The following ARHGAP42 variants were observed in gnomAD, a reference collection of about 807,000 sequenced individuals.
ARHGAP42 encodes rho GTPase-activating protein 42.
ARHGAP42 carries 63 observed loss-of-function variants against 125.0 expected under a neutral mutation model. The ratio of observed to expected loss-of-function variants is 0.50; its 90% CI spans 0.41 to 0.62. The LOEUF is 0.62. ARHGAP42 is among the 20% of genes least tolerant of loss of function. The pLI is 0.00. For synonymous variants in ARHGAP42, 339 were observed against 351.0 expected, an observed-to-expected ratio of 0.97 and a Z score of 0.38; for missense variants, 766 against 1,024.2, an observed-to-expected ratio of 0.75 and a Z score of 3.44.
intron 1 of ARHGAP42, among the ~76,000 whole-genome samples, chr11:100,699,502 ATATATTTTTTTTTTTTTTTTTTT>A (rs1452223634): frequency 7.3e-5 from 3 of 40,926 alleles, no homozygotes; most frequent in Non-Finnish European, 9.3e-5. Context: ...ATATATATAT[ATATATTTTTTTTTTTTTTTTTTT>A]TTTTTTTTTT....
At position 100,948,678 on chromosome 11, in the gene ARHGAP42, T is replaced by C. The variant is rs7479352; in HGVS notation, c.1122+143T>C. On this transcript the variant is annotated intron_variant, in intron 11 of 23. Coordinates refer to ENST00000298815, the MANE Select transcript of ARHGAP42 (RefSeq NM_152432.4). ...AGGAAATCAGGGGAGTAGAGACTTT[T>C]ATGGTTTCCTAGTCTCACTCATGGC... The C allele has an allele frequency of 3.1e-3, 1,861 of 597,770 alleles. 34 individuals carry two copies. In the African/African-American group the frequency reaches 0.031, roughly 10 times the overall value. 37.0% of individuals were successfully genotyped at this position (597,770 alleles called of 1,614,324 possible).
chr11:100,870,120 T>C (rs992859523), intron 4 of ARHGAP42, among the ~76,000 whole-genome samples: 5 of 152,212 alleles, frequency 3.3e-5, no homozygotes, highest in Admixed American at 2.0e-4. Context: ...CATTTTTCAG[T>C]GATCAACCCT....
intron 4 of ARHGAP42, among the ~76,000 whole-genome samples, chr11:100,885,150 C>G (rs1866061075): frequency 6.6e-6 from 1 of 152,212 alleles, no homozygotes; most frequent in East Asian, 1.9e-4. Flanking sequence ...CCTTACTCCT[C>G]TGCTGTTCCC....
At chr11:100,940,084 C>T (rs1251685845) in intron 8 of ARHGAP42, among the ~76,000 whole-genome samples, 3 of 151,880 alleles carry the variant, frequency 2.0e-5, no homozygotes, top group Non-Finnish European at 2.9e-5. Flanking sequence ...TGAAATGGTC[C>T]CCAAATGGAA....
intron 17 of ARHGAP42, among the ~76,000 whole-genome samples, chr11:100,971,249 T>C (rs1175801985): frequency 1.3e-5 from 2 of 152,188 alleles, no homozygotes; most frequent in African/African-American, 4.8e-5. Flanking sequence ...TTTTATCCTT[T>C]ATGATTTTTT....
At chr11:100,892,149 G>A (rs1156535230) in intron 4 of ARHGAP42, among the ~76,000 whole-genome samples, 1 of 152,096 alleles carries the variant, frequency 6.6e-6, no homozygotes, top group Non-Finnish European at 1.5e-5. Context: ...CTGTGGCTTT[G>A]GAAACTGTTT....
At position 100,921,533 on chromosome 11, in the gene ARHGAP42, GAAGCATCATTAGAATATGTCT is replaced by G; in HGVS notation, c.527_547del (p.Glu176_Phe183delinsVal). On this transcript the variant is annotated inframe_deletion, in exon 6 of 24. Transcript: ENST00000298815. ...TGACCGAGAACATCAGAACTTCTAT[GAAGCATCATTAGAATATGTCT>G]TTAAAATTCAAGAGGTCCAAGAAAA... is the stretch of plus-strand genomic sequence containing the variant. 6.5e-7 allele frequency: 1 copy of G among 1,546,846 alleles called. No individual in the cohort carries two copies. Among genetic ancestry groups the G allele is most frequent in the South Asian group, 1.2e-5 (1 of 83,038 alleles).
At chr11:100,796,410 C>T (rs1591187724) in intron 3 of ARHGAP42, among the ~76,000 whole-genome samples, 1 of 152,148 alleles carries the variant, frequency 6.6e-6, no homozygotes, top group Non-Finnish European at 1.5e-5. Context: ...GAAATTAGGC[C>T]AACTAAAAAC....
intron 3 of ARHGAP42, among the ~76,000 whole-genome samples, chr11:100,818,713 C>G (rs1339822594): frequency 6.6e-6 from 1 of 152,074 alleles, no homozygotes; most frequent in Non-Finnish European, 1.5e-5. Context: ...CATACTGGTA[C>G]CTTCTATCTG....
intron 4 of ARHGAP42, among the ~76,000 whole-genome samples, chr11:100,875,099 CTCTCTCTCTGTGTGTGTGTGTGTGTGTG>C (rs1451687606): frequency 2.8e-5 from 3 of 106,724 alleles, no homozygotes; most frequent in Non-Finnish European, 3.9e-5. Flanking sequence ...CTCTCTCTCT[CTCTCTCTCTGTGTGTGTGTGTGTGTGTG>C]TGTGTGTGTG....
chr11:100,818,850 A>T lies in ARHGAP42; in HGVS notation c.312+23684A>T, dbSNP rs149971913. ...AACTTAGCCTTGACAGTTGGGTAAG[A>T]TTTCAGCCAGATTATGTAGAGGTAG... On this transcript the variant is annotated intron_variant, in intron 3 of 23. Coordinates refer to ENST00000298815, the MANE Select transcript of ARHGAP42 (RefSeq NM_152432.4). Among the ~76,000 whole-genome samples the T allele has an allele frequency of 6.1e-3, 923 of 152,256 alleles. 6 individuals carry two copies. The highest frequency in any genetic ancestry group is 0.02 in the African/African-American group (850 of 41,538).
At chr11:100,937,297 G>A (rs1271094921) in intron 8 of ARHGAP42, among the ~76,000 whole-genome samples, 1 of 151,994 alleles carries the variant, frequency 6.6e-6, no homozygotes, top group Non-Finnish European at 1.5e-5. Flanking sequence ...GATCTGCCTG[G>A]GTACTCTATA....
At chr11:100,773,664 A>G (rs1403941917) in intron 2 of ARHGAP42, among the ~76,000 whole-genome samples, 2 of 152,174 alleles carry the variant, frequency 1.3e-5, no homozygotes, top group African/African-American at 4.8e-5. Flanking sequence ...GATGTTAGGT[A>G]ATTTCCCCAA....
At chr11:100,699,625 C>A (rs918262568) in intron 1 of ARHGAP42, among the ~76,000 whole-genome samples, 1 of 142,980 alleles carries the variant, frequency 7.0e-6, no homozygotes, top group Non-Finnish European at 1.5e-5. Flanking sequence ...TGGGTTCAAG[C>A]GATTCTCCTG....
chr11:100,944,624 G>C (rs75064999), intron 10 of ARHGAP42, among the ~76,000 whole-genome samples: 7,527 of 151,530 alleles, frequency 0.05, 326 homozygotes, highest in East Asian at 0.25. Context: ...GTAATAAAGC[G>C]AATATCATAA....
intron 6 of ARHGAP42, among the ~76,000 whole-genome samples, chr11:100,923,508 A>C (rs773813228): frequency 3.3e-5 from 5 of 151,222 alleles, no homozygotes; most frequent in Admixed American, 1.3e-4. Context: ...GGAATAGTGA[A>C]CTAGAACATT....
At chr11:100,826,285 T>C (rs1189579529) in intron 3 of ARHGAP42, among the ~76,000 whole-genome samples, 1 of 152,186 alleles carries the variant, frequency 6.6e-6, no homozygotes, top group Non-Finnish European at 1.5e-5. Flanking sequence ...TGAACGTATA[T>C]GTTATCCATT....
At chr11:100,845,737 A>G (rs2135119592) in intron 3 of ARHGAP42, among the ~76,000 whole-genome samples, 1 of 152,242 alleles carries the variant, frequency 6.6e-6, no homozygotes, top group Admixed American at 6.5e-5. Context: ...CCTCGTTTTC[A>G]CCTTTTTGCC....
intron 12 of ARHGAP42, among the ~76,000 whole-genome samples, chr11:100,953,424 T>G (rs1857717835): frequency 6.6e-6 from 1 of 152,196 alleles, no homozygotes; most frequent in South Asian, 2.1e-4. Flanking sequence ...AAACGTTTGT[T>G]TGAATGCCAG....
Sources: gnomAD v4.1 joint callset for allele counts (sites outside exome capture counted in the v4.1 genomes callset) on GRCh38, gnomAD v4.1.1 for gene constraint, MANE v1.5 for transcripts, NCBI Gene and HGNC (gene_info 2026-07-23, HGNC 2026-07-21) for gene names.